HTT-AS: variants seen among roughly 807,000 people sequenced by gnomAD.
HTT-AS encodes the protein HTT antisense RNA, also known as HTT antisense RNA (head to head).
intron 2 of HTT-AS, among the ~76,000 whole-genome samples, chr4:3,059,726 C>T: frequency 6.6e-6 from 1 of 151,764 alleles, no homozygotes. Flanking sequence ...GCATGCACCA[C>T]CACACCCAGC....
At chr4:3,047,472 A>G (rs1711613774), downstream of HTT-AS, among the ~76,000 whole-genome samples, 1 of 152,260 alleles carries the variant, frequency 6.6e-6, no homozygotes, top group Admixed American at 6.5e-5. Context: ...TAACCTAGGA[A>G]AAACCAGGCC....
chr4:3,069,347 G>A (rs1433889107), intron 1 of HTT-AS, among the ~76,000 whole-genome samples: 3 of 151,202 alleles, frequency 2.0e-5, no homozygotes, highest in African/African-American at 7.3e-5. Flanking sequence ...GTAGAGATGG[G>A]GTTTCACCAT....
At chr4:3,068,902 G>T (rs1289422757) in intron 1 of HTT-AS, among the ~76,000 whole-genome samples, 1 of 151,766 alleles carries the variant, frequency 6.6e-6, no homozygotes, top group African/African-American at 2.4e-5. Flanking sequence ...TGATCCACCT[G>T]CCTGGGCCTC....
chr4:3,049,515 T>C (rs1427620721), exon 3 of HTT-AS, among the ~76,000 whole-genome samples: 1 of 152,184 alleles, frequency 6.6e-6, no homozygotes, highest in African/African-American at 2.4e-5. Flanking sequence ...TGCCATCTTC[T>C]GGGGAGAGAC....
chr4:3,060,982 G>T (rs1711915772), intron 2 of HTT-AS, among the ~76,000 whole-genome samples: 1 of 152,242 alleles, frequency 6.6e-6, no homozygotes, highest in Non-Finnish European at 1.5e-5. Context: ...AGACCCACTG[G>T]GGCACCCCTC....
intron 2 of HTT-AS, among the ~76,000 whole-genome samples, chr4:3,060,451 G>C (rs1250551712): frequency 6.6e-6 from 1 of 152,144 alleles, no homozygotes; most frequent in Non-Finnish European, 1.5e-5. Flanking sequence ...ATTTGAGAAA[G>C]GTCTCATTTA....
rs529828755 is a variant in HTT-AS, at chr4:3,059,116, G to C, written n.1380+3318C>G. Among the ~76,000 whole-genome samples, 14 of 152,300 alleles carry C rather than the reference G, an allele frequency of 9.2e-5. No homozygotes were observed. The South Asian group carries it at 2.9e-3, about 32-fold the overall frequency. On this transcript the variant is annotated intron_variant and non_coding_transcript_variant, in intron 2 of 2. Coordinates refer to ENST00000664062, the Ensembl canonical transcript of HTT-AS. ...TGCAGATGAATCGTAACCTAGCATA[G>C]TAGGTAGGCAGACTGAAAACCTAAC...
chr4:3,064,095 AG>A (rs1221478166), intron 1 of HTT-AS, among the ~76,000 whole-genome samples: 2 of 108,494 alleles, frequency 1.8e-5, no homozygotes, highest in Non-Finnish European at 4.2e-5. Context: ...CAAATAATAA[AG>A]TTTTTTTTTT....
intron 1 of HTT-AS, among the ~76,000 whole-genome samples, chr4:3,071,368 C>G (rs906356330): frequency 7.9e-5 from 12 of 152,188 alleles, no homozygotes; most frequent in Admixed American, 1.3e-4. Context: ...TCCCAGCCAA[C>G]ACATCCCATT....
intron 2 of HTT-AS, among the ~76,000 whole-genome samples, chr4:3,058,287 T>C (rs1013183092): frequency 2.0e-5 from 3 of 151,508 alleles, no homozygotes; most frequent in Admixed American, 6.6e-5. Flanking sequence ...GATTGCGCCA[T>C]TGCACTCCAG....
intron 1 of HTT-AS, among the ~76,000 whole-genome samples, chr4:3,066,569 G>A (rs1050364628): frequency 1.3e-5 from 2 of 152,110 alleles, no homozygotes; most frequent in Non-Finnish European, 1.5e-5. Context: ...CCACTTTGGG[G>A]TCCACCCCAC....
intron 1 of HTT-AS, among the ~76,000 whole-genome samples, chr4:3,066,848 A>G (rs965462988): frequency 6.6e-6 from 1 of 152,244 alleles, no homozygotes; most frequent in Non-Finnish European, 1.5e-5. Flanking sequence ...GGAACGTGAT[A>G]TGAGGCCTGA....
intron 2 of HTT-AS, among the ~76,000 whole-genome samples, chr4:3,053,750 C>T (rs28795684): frequency 0.055 from 8,204 of 148,728 alleles, 343 homozygotes; most frequent in African/African-American, 0.11. Context: ...ATTAGGTTTG[C>T]TAACTTCTTT....
At chr4:3,056,833 C>T (rs935172538) in intron 2 of HTT-AS, among the ~76,000 whole-genome samples, 7 of 152,060 alleles carry the variant, frequency 4.6e-5, no homozygotes, top group African/African-American at 1.7e-4. Context: ...ATACAGTCAC[C>T]CCCACCATCT....
intron 2 of HTT-AS, among the ~76,000 whole-genome samples, chr4:3,055,166 C>T (rs1040975357): frequency 7.2e-5 from 11 of 151,790 alleles, no homozygotes; most frequent in Non-Finnish European, 1.6e-4. Context: ...GGCGTGGTGG[C>T]GGGCGCCTGT....
chr4:3,050,465 A>C (rs1016755774), intron 2 of HTT-AS, among the ~76,000 whole-genome samples: 1 of 152,200 alleles, frequency 6.6e-6, no homozygotes, highest in Non-Finnish European at 1.5e-5. Context: ...TATGATTCTA[A>C]AGTTATTAGA....
chr4:3,059,917 G>GTTTTTT lies in HTT-AS; in HGVS notation n.1380+2511_1380+2516dup, dbSNP rs34372712. On this transcript the variant is annotated intron_variant and non_coding_transcript_variant, in intron 2 of 2. Coordinates refer to ENST00000664062, the Ensembl canonical transcript of HTT-AS. ...GTTGCTTTAACATCTTTGTCCCTGT[G>GTTTTTT]TTTTTTGTTTTTTTTTTTGAGACGG... Among the ~76,000 whole-genome samples the GTTTTTT allele has an allele frequency of 1.2e-4, 17 of 136,240 alleles. 4 individuals carry two copies. Among genetic ancestry groups the GTTTTTT allele is most frequent in the Admixed American group, 1.5e-4 (2 of 13,090 alleles). The allele number at this position is 136,240 out of a possible 152,430, so 89.4% of individuals were successfully genotyped here. A position where few individuals can be genotyped will look rare whatever the true frequency, so the allele number is the denominator to read the frequency against.
chr4:3,068,610 A>G (rs1712101308), intron 1 of HTT-AS, among the ~76,000 whole-genome samples: 1 of 151,960 alleles, frequency 6.6e-6, no homozygotes, highest in South Asian at 2.1e-4. Context: ...ACTGCTCTAC[A>G]ACTGTTGTGT....
At chr4:3,066,854 C>A (rs962174924) in intron 1 of HTT-AS, among the ~76,000 whole-genome samples, 1 of 152,112 alleles carries the variant, frequency 6.6e-6, no homozygotes, top group Admixed American at 6.6e-5. Flanking sequence ...TGATATGAGG[C>A]CTGATGGATG....
Sources: allele counts gnomAD v4.1 joint callset (sites outside exome capture counted in the v4.1 genomes callset), GRCh38; gene constraint gnomAD v4.1.1; transcripts MANE v1.5; gene names NCBI Gene and HGNC (gene_info 2026-07-23, HGNC 2026-07-21).